DBF4B: variants seen among roughly 807,000 people sequenced by gnomAD.
DBF4B encodes the protein protein DBF4 homolog B.
A neutral mutation model predicts 53.4 loss-of-function variants in DBF4B; 49 were observed. The ratio of observed to expected loss-of-function variants is 0.92; its 90% CI spans 0.73 to 1.16. The LOEUF is 1.16. Among genes scored for constraint, DBF4B ranks in the 50% most tolerant of loss-of-function variants. DBF4B has a pLI of 0.00. For missense variants in DBF4B, 692 were observed against 775.0 expected, an observed-to-expected ratio of 0.89 and a Z score of 1.27; for synonymous variants, 257 against 288.7, an observed-to-expected ratio of 0.89 and a Z score of 1.11.
At chr17:44,726,990 T>C (rs142176421) in intron 3 of DBF4B, among the ~76,000 whole-genome samples, 1,880 of 147,712 alleles carry the variant, frequency 0.013, 41 homozygotes, top group African/African-American at 0.043. Flanking sequence ...TCCCAGCTAC[T>C]CGGGAGGCTG....
chr17:44,729,264 T>C (rs79852966), intron 3 of DBF4B, among the ~76,000 whole-genome samples: 212 of 151,486 alleles, frequency 1.4e-3, no homozygotes, highest in African/African-American at 4.8e-3. Context: ...TGTAGTAGTG[T>C]AGTCATAGCT....
intron 9 of DBF4B, 41 bp from the exon 10 acceptor site, chr17:44,741,295 C>T: frequency 6.7e-7 from 1 of 1,486,350 alleles, no homozygotes; most frequent in Non-Finnish European, 9.4e-7. Flanking sequence ...CAGCCTTTAC[C>T]TTCCCCATTG....
chr17:44,720,920 G>C (rs767580113), intron 2 of DBF4B, among the ~76,000 whole-genome samples: 6 of 150,980 alleles, frequency 4.0e-5, no homozygotes, highest in Non-Finnish European at 8.8e-5. Flanking sequence ...ATGCAGTAGT[G>C]TAATCTTAAC....
intron 3 of DBF4B, among the ~76,000 whole-genome samples, chr17:44,724,104 G>T (rs548760057): frequency 1.3e-5 from 2 of 151,922 alleles, no homozygotes; most frequent in Non-Finnish European, 2.9e-5. Flanking sequence ...GTGAGACCTT[G>T]TCTCAAAAAA....
At chr17:44,741,114 G>A (rs191049634) in intron 9 of DBF4B, among the ~76,000 whole-genome samples, 2 of 151,744 alleles carry the variant, frequency 1.3e-5, no homozygotes, top group East Asian at 3.9e-4. Context: ...CAGCCTGGGC[G>A]ACAGCGAGAC....
At chr17:44,721,219 C>CG (rs1470652972) in intron 2 of DBF4B, among the ~76,000 whole-genome samples, 1 of 117,872 alleles carries the variant, frequency 8.5e-6, no homozygotes, top group African/African-American at 3.8e-5. Context: ...TAATTCTTCC[C>CG]CCCCCCTCCC....
chr17:44,750,884 A>C lies in DBF4B; in HGVS notation c.1479A>C (p.Pro493=), dbSNP rs965249811. The change falls in exon 14 of 14, where the codon CCA becomes CCC. Residue 493 remains proline, a synonymous_variant. Coordinates refer to ENST00000315005, the MANE Select transcript of DBF4B (RefSeq NM_145663.3). The part of the protein sequence containing the change: ...FAPADIPVKG[P]LLFPEARPWL... The stretch of plus-strand genomic sequence containing the variant: ...CGGCGGACATTCCTGTTAAGGGCCC[A>C]CTCCTCTTCCCTGAAGCCAGACCGT... 1.3e-5 allele frequency: 21 copies of C among 1,613,182 alleles called. No individual in the cohort carries two copies. Among genetic ancestry groups the C allele is most frequent in the Non-Finnish European group, 1.8e-5 (21 of 1,179,826 alleles).
At chr17:44,743,967 G>GAACT (rs1976332830) in intron 10 of DBF4B, among the ~76,000 whole-genome samples, 1 of 150,698 alleles carries the variant, frequency 6.6e-6, no homozygotes, top group South Asian at 2.1e-4. Context: ...ATATATCCAT[G>GAACT]AACTATCTCT....
In DBF4B at chr17:44,741,355, C is replaced by G; in HGVS notation, c.733C>G (p.His245Asp). 1 of 1,613,314 alleles carries G rather than the reference C, an allele frequency of 6.2e-7. No individual in the cohort carries two copies. The highest frequency in any genetic ancestry group is 8.5e-7 in the Non-Finnish European group (1 of 1,179,310). ...TTGCAGGAAGTTTCGTCCTTTCCAT[C>G]ATCAGTTTAAATCCTTTCCTGAAAT... ...DESRKFRPFH[H>D]QFKSFPEISF... Residue 245 changes from histidine to aspartate, a missense_variant, in exon 10 of 14, where the codon CAT becomes GAT. His to Asp is a moderately conservative substitution (Grantham distance 81). Transcript: ENST00000315005.
In DBF4B at chr17:44,708,831, C is replaced by T. The variant is rs771594583; in HGVS notation, c.11C>T (p.Pro4Leu). 2.0e-5 allele frequency: 31 copies of T among 1,550,922 alleles called. No homozygotes were observed. The Admixed American group carries it at 2.2e-4, about 11-fold the overall frequency. The part of the protein sequence containing the change: MSE[P>L]GKGDDCLELE... ...AGGAGCCGGCATTTGATGAGCGAACCGGGAAAGGGTACGGATGCCGGGAAG... is the reference window on the plus strand; with the variant it reads ...AGGAGCCGGCATTTGATGAGCGAACTGGGAAAGGGTACGGATGCCGGGAAG... The change falls in exon 1 of 14, where the codon CCG becomes CTG. Residue 4 changes from proline (P) to leucine (L), a missense_variant. Around this residue, in one of 3 missense-constraint regions of DBF4B, gnomAD observed 66 missense variants for 51.3 expected, o/e 1.29. Transcript: ENST00000315005.
In DBF4B at chr17:44,749,038, TCCCAGGAGGCTGGCCAGCTCCTCAGCTG is replaced by T; in HGVS notation, c.1189+577_1189+604del. ...TGAGTGTACAGCCACTGGCCCTGTA[TCCCAGGAGGCTGGCCAGCTCCTCAGCTG>T]CCCCACAGCTCCAGGCTGGCCATCA... On this transcript the variant is annotated intron_variant, in intron 13 of 13. Coordinates refer to ENST00000315005, the MANE Select transcript of DBF4B (RefSeq NM_145663.3). The surrounding 1 kb of genome is among the most constrained non-coding windows in gnomAD (Gnocchi z 4.4). 1 of 1,289,810 alleles carries T rather than the reference TCCCAGGAGGCTGGCCAGCTCCTCAGCTG, an allele frequency of 7.8e-7. No homozygotes were observed. The highest frequency in any genetic ancestry group is 1.0e-6 in the Non-Finnish European group (1 of 988,848). 79.9% of individuals were successfully genotyped at this position (1,289,810 alleles called of 1,614,324 possible).
chr17:44,741,507 C>A, intron 10 of DBF4B, 55 bp downstream of exon 10: 1 of 1,203,504 alleles, frequency 8.3e-7, no homozygotes, highest in Non-Finnish European at 1.2e-6. Flanking sequence ...AAAGTCCTCC[C>A]CATCGGGGGC....
intron 2 of DBF4B, among the ~76,000 whole-genome samples, chr17:44,711,771 C>T (rs1972894583): frequency 1.3e-5 from 2 of 152,054 alleles, no homozygotes; most frequent in Admixed American, 1.3e-4. Context: ...CCCATCTCTA[C>T]TAAAAATACA....
intron 9 of DBF4B, among the ~76,000 whole-genome samples, chr17:44,741,127 T>G (rs948278268): frequency 2.6e-5 from 4 of 151,110 alleles, no homozygotes. Flanking sequence ...AGCGAGACTC[T>G]GTCTCAAAAA....
Position 44,734,167 on chromosome 17 carries a change from G to T in DBF4B, c.630+4G>T, listed in dbSNP as rs757928194. 2.4e-5 allele frequency: 38 copies of T among 1,614,066 alleles called. No individual in the cohort carries two copies. Among genetic ancestry groups the T allele is most frequent in the Non-Finnish European group, 3.1e-5 (36 of 1,180,040 alleles). ...ACAACAGCCAAAGAAGCCAGAGGTA[G>T]GTCATCCTGCTGAACTGAAGGACAA... On this transcript the variant is annotated splice_donor_region_variant and intron_variant, in intron 7 of 13. Coordinates refer to ENST00000315005, the MANE Select transcript of DBF4B (RefSeq NM_145663.3).
In DBF4B at chr17:44,730,211, T is replaced by C. The variant is rs538473955; in HGVS notation, c.417+115T>C. On this transcript the variant is annotated intron_variant, in intron 4 of 13. Transcript: ENST00000315005. Reference sequence around the variant, plus strand: ...ATCTGGATTAATTTAATCTCTCATTTGAATTCAGGGACTGAGAATATTTTA... The same window carrying C: ...ATCTGGATTAATTTAATCTCTCATTCGAATTCAGGGACTGAGAATATTTTA... 10 of 1,158,278 alleles carry C rather than the reference T, an allele frequency of 8.6e-6. No homozygotes were observed. The East Asian group carries it at 2.6e-4, about 30-fold the overall frequency. 71.8% of individuals were successfully genotyped at this position (1,158,278 alleles called of 1,614,324 possible).
chr17:44,723,013 A>C lies in DBF4B; in HGVS notation c.216A>C (p.Gln72His). 1 of 1,613,980 alleles carries C rather than the reference A, an allele frequency of 6.2e-7. No homozygotes were observed. The highest frequency in any genetic ancestry group is 8.5e-7 in the Non-Finnish European group (1 of 1,179,868). Reference protein sequence around the residue: ...NLQFLTGAIQQLGGVIEGFLS... With the variant: ...NLQFLTGAIQHLGGVIEGFLS... ...AGTTTTTGACGGGGGCCATTCAGCA[A>C]CTGGGTGGGGTAGGTAACCTGCTCT... The change falls in exon 3 of 14, where the codon CAA becomes CAC. Residue 72 changes from glutamine (Q) to histidine (H), a missense_variant. Physicochemically the swap from Gln to His is conservative, Grantham distance 24. Transcript: ENST00000315005.
At chr17:44,713,635 A>G (rs1010065404) in intron 2 of DBF4B, among the ~76,000 whole-genome samples, 7 of 152,074 alleles carry the variant, frequency 4.6e-5, no homozygotes, top group Admixed American at 3.3e-4. Context: ...GGCGACAGAG[A>G]AAGATTCCGT....
At chr17:44,725,594 T>G (rs1278355077) in intron 3 of DBF4B, among the ~76,000 whole-genome samples, 1 of 151,890 alleles carries the variant, frequency 6.6e-6, no homozygotes, top group African/African-American at 2.4e-5. Context: ...CCCTATATGC[T>G]TGGGCAACTC....
Sources: gnomAD v4.1 joint callset for allele counts (sites outside exome capture counted in the v4.1 genomes callset) on GRCh38, gnomAD v4.1.1 for gene constraint, gnomAD v4.1.1 regional missense constraint, Gnocchi (gnomAD v3.1) non-coding constraint, MANE v1.5 for transcripts, NCBI Gene and HGNC (gene_info 2026-07-23, HGNC 2026-07-21) for gene names.